The following PIEZO2 variants were observed in gnomAD, a reference collection of about 807,000 sequenced individuals.
PIEZO2 encodes the protein piezo type mechanosensitive ion channel component 2.
Under a neutral mutation model 337.3 loss-of-function variants are expected in PIEZO2, and 172 were observed. The ratio of observed to expected loss-of-function variants is 0.51; its 90% confidence interval spans 0.45 to 0.58. The LOEUF is 0.58. PIEZO2 is among the 20% of genes least tolerant of loss of function. The pLI is 0.00. For synonymous variants in PIEZO2, 1,251 were observed against 1,228.5 expected (o/e 1.02, Z -0.38); for missense variants, 3,028 against 3,391.3 (o/e 0.89, Z 2.66).
intron 36 of PIEZO2, among the ~76,000 whole-genome samples, chr18:10,725,775 C>A (rs116324763): frequency 6.6e-6 from 1 of 152,180 alleles, no homozygotes. Context: ...AGAGGGAGAA[C>A]GCTCAGGGTC....
intron 47 of PIEZO2, 105 bp from the exon 48 acceptor site, chr18:10,691,488 C>CA: frequency 8.6e-7 from 1 of 1,167,824 alleles, no homozygotes; most frequent in Non-Finnish European, 1.2e-6. Context: ...TCCCCTTCAT[C>CA]ATTCCAACTC....
rs1567983789 is a variant in PIEZO2 at position 10,720,407 on chromosome 18, GTGTATGTGTA to G, written c.5030-2158_5030-2149del. On this transcript the variant is annotated intron_variant, in intron 36 of 55. Coordinates refer to ENST00000674853, the MANE Select transcript of PIEZO2 (RefSeq NM_001378183.1). ...TGTGTGTGTGTGTGTGTGTGTGTAT[GTGTATGTGTA>G]TGTATATATATATATATATATATAT... 9.0e-3 allele frequency among the ~76,000 whole-genome samples: 107 copies of G among 11,902 alleles called. 5 individuals are homozygous for G. The highest frequency in any genetic ancestry group is 0.012 in the Non-Finnish European group (85 of 6,890). The allele number at this position is 11,902 out of a possible 152,430, so 7.8% of individuals were successfully genotyped here.
At chr18:11,023,087 A>G (rs1280122996) in intron 2 of PIEZO2, among the ~76,000 whole-genome samples, 7 of 152,178 alleles carry the variant, frequency 4.6e-5, no homozygotes, top group Non-Finnish European at 7.3e-5. Context: ...GTTACAGCTC[A>G]TAAAGTCAGT....
intron 1 of PIEZO2, among the ~76,000 whole-genome samples, chr18:11,073,220 C>A (rs972442491): frequency 1.3e-5 from 2 of 152,092 alleles, no homozygotes; most frequent in Non-Finnish European, 1.5e-5. Flanking sequence ...GCTCTAAAAC[C>A]ACCCCCAGTG....
In PIEZO2 at chr18:10,824,831, T is replaced by C. The variant is rs927949810; in HGVS notation, c.918-17557A>G. Among the ~76,000 whole-genome samples the C allele has an allele frequency of 3.9e-5, 6 of 152,188 alleles. No individual in the cohort carries two copies. Among genetic ancestry groups the C allele is most frequent in the Non-Finnish European group, 8.8e-5 (6 of 68,034 alleles). On this transcript the variant is annotated intron_variant, in intron 7 of 55. Coordinates refer to ENST00000674853, the MANE Select transcript of PIEZO2 (RefSeq NM_001378183.1). The surrounding 1 kb of genome is among the most constrained non-coding windows in gnomAD (Gnocchi z 4.4). ...TGATTTTAAACTAAAGTCCATATTT[T>C]ATTGAAATCTTCTTAGTTTTCACCT... is the stretch of plus-strand genomic sequence containing the variant.
intron 1 of PIEZO2, among the ~76,000 whole-genome samples, chr18:11,087,303 C>G (rs1250049815): frequency 1.3e-5 from 2 of 152,086 alleles, no homozygotes; most frequent in Non-Finnish European, 2.9e-5. Context: ...ACAATGACAC[C>G]ACCCTTAGTG....
chr18:10,689,882 C>T (rs2034725768), intron 48 of PIEZO2, 80 bp from the exon 49 acceptor site: 1 of 1,491,716 alleles, frequency 6.7e-7, no homozygotes, highest in Non-Finnish European at 9.0e-7. Context: ...TCAAGCAGTT[C>T]CTTAACTGCT....
intron 4 of PIEZO2, among the ~76,000 whole-genome samples, chr18:10,884,978 T>C (rs1003883643): frequency 3.2e-4 from 48 of 152,092 alleles, no homozygotes; most frequent in African/African-American, 1.1e-3. Context: ...TATCATATCA[T>C]AGACATTTTG....
chr18:11,050,715 C>A (rs1171652513), intron 2 of PIEZO2, among the ~76,000 whole-genome samples: 1 of 151,922 alleles, frequency 6.6e-6, no homozygotes, highest in African/African-American at 2.4e-5. Context: ...ACAATTGTCA[C>A]CAAAGCACAG....
rs1032457731 is a variant in PIEZO2 at position 11,097,220 on chromosome 18, G to A, written c.65-30998C>T. Among the ~76,000 whole-genome samples the A allele has an allele frequency of 3.3e-5, 5 of 152,020 alleles. No homozygotes were observed. Among genetic ancestry groups the A allele is most frequent in the African/African-American group, 1.2e-4 (5 of 41,394 alleles). ...TATGTTTAAATGATTGAAAAAAAAA[G>A]TCAAAAGAAGACTAGATCATGAAAC... On this transcript the variant is annotated intron_variant, in intron 1 of 55. Coordinates refer to ENST00000674853, the MANE Select transcript of PIEZO2 (RefSeq NM_001378183.1). This position sits in a 1 kb window ranked among gnomAD's most constrained non-coding sequence, Gnocchi z 5.0.
chr18:10,943,930 G>A lies in PIEZO2; in HGVS notation c.287-32702C>T, dbSNP rs1230972583. On this transcript the variant is annotated intron_variant, in intron 3 of 55. Transcript: ENST00000674853. This position sits in a 1 kb window ranked among gnomAD's most constrained non-coding sequence, Gnocchi z 4.5. Reference sequence around the variant, plus strand: ...TAAAAATGGGAGTTTCTCTGAACAAGCTCTCTCTTTGCCTGCTGCCATCCA... The same window carrying A: ...TAAAAATGGGAGTTTCTCTGAACAAACTCTCTCTTTGCCTGCTGCCATCCA... Among the ~76,000 whole-genome samples, 2 of 152,120 alleles carry A rather than the reference G, an allele frequency of 1.3e-5. No individual in the cohort carries two copies. Among genetic ancestry groups the A allele is most frequent in the African/African-American group, 4.8e-5 (2 of 41,436 alleles).
intron 33 of PIEZO2, chr18:10,739,420 C>G (rs1043269943): frequency 6.6e-6 from 1 of 152,104 alleles, no homozygotes; most frequent in African/African-American, 2.4e-5. Flanking sequence ...TTATCACAGA[C>G]CATATCCAAT....
At chr18:10,762,457 A>G in intron 23 of PIEZO2, 43 bp downstream of exon 23, 1 of 1,527,458 alleles carries the variant, frequency 6.5e-7, no homozygotes, top group Non-Finnish European at 8.7e-7. Context: ...GAACTATTAT[A>G]TAACGGAGTG....
In PIEZO2 at chr18:10,736,633, C is replaced by T. The variant is rs2037006583; in HGVS notation, c.4786G>A (p.Glu1596Lys). ...AATGCTGACCTTCGTGGAGGTTCTTCATCTTCCTTCTTTAATTCTTCCTCT... is the reference window on the plus strand; with the variant it reads ...AATGCTGACCTTCGTGGAGGTTCTTTATCTTCCTTCTTTAATTCTTCCTCT... ...EEEEELKKED[E>K]EPPRRSAFQR... Residue 1596 changes from glutamate (E) to lysine (K), a missense_variant, in exon 34 of 56, where the codon GAA (glutamate) becomes AAA (lysine). By Grantham distance (56) the Glu-to-Lys change is moderately conservative. Coordinates refer to ENST00000674853, the MANE Select transcript of PIEZO2 (RefSeq NM_001378183.1). 2.0e-6 allele frequency: 3 copies of T among 1,537,014 alleles called. No individual in the cohort carries two copies. Among genetic ancestry groups the T allele is most frequent in the East Asian group, 2.4e-5 (1 of 40,916 alleles).
chr18:10,736,673 A>C lies in PIEZO2; in HGVS notation c.4746T>G (p.Asp1582Glu), dbSNP rs895174961. ...ATTCTTCCTCTTCCTCCTCTTCACT[A>C]TCCGTTTCAAACAAATAATAATCTC... ...RSGDYYLFET[D>E]SEEEEEEELK... Residue 1582 changes from aspartate (D) to glutamate (E), a missense_variant, in exon 34 of 56, where the codon GAT (aspartate) becomes GAG (glutamate). Coordinates refer to ENST00000674853, the MANE Select transcript of PIEZO2 (RefSeq NM_001378183.1). 6 of 1,536,912 alleles carry C rather than the reference A, an allele frequency of 3.9e-6. 1 individual carries two copies. The South Asian group carries it at 4.8e-5, about 12-fold the overall frequency.
At chr18:10,913,741 C>T (rs1398315247) in intron 3 of PIEZO2, among the ~76,000 whole-genome samples, 2 of 152,164 alleles carry the variant, frequency 1.3e-5, no homozygotes, top group East Asian at 3.9e-4. Flanking sequence ...ATGCAAGACA[C>T]TCAGTACTCC....
chr18:10,914,597 T>G (rs1166943121), intron 3 of PIEZO2, among the ~76,000 whole-genome samples: 1 of 152,194 alleles, frequency 6.6e-6, no homozygotes, highest in East Asian at 1.9e-4. Context: ...TCAAATAAGC[T>G]TTTTCAAATA....
intron 3 of PIEZO2, among the ~76,000 whole-genome samples, chr18:10,977,137 T>C (rs985805988): frequency 2.6e-5 from 4 of 152,122 alleles, no homozygotes; most frequent in African/African-American, 7.2e-5. Flanking sequence ...TTTCATATCA[T>C]ATTTTTATTT....
At chr18:10,705,849 C>G (rs2035564535) in intron 40 of PIEZO2, 103 bp from the exon 41 acceptor site, 1 of 1,300,008 alleles carries the variant, frequency 7.7e-7, no homozygotes, top group African/African-American at 1.5e-5. Context: ...TAAGGAAATG[C>G]CCCATTTTCC....
Sources: allele counts gnomAD v4.1 joint callset (sites outside exome capture counted in the v4.1 genomes callset), GRCh38; gene constraint gnomAD v4.1.1; non-coding constraint Gnocchi (gnomAD v3.1); transcripts MANE v1.5; gene names NCBI Gene and HGNC (gene_info 2026-07-23, HGNC 2026-07-21).